The following ZNF600 variants were observed in gnomAD, a reference collection of about 807,000 sequenced individuals.
ZNF600 encodes zinc finger protein KR-ZNF1.
Under a neutral mutation model 7.3 loss-of-function variants are expected in ZNF600, and 4 were observed. The observed-to-expected ratio is 0.55, with a 90% CI of 0.27 to 1.25. The LOEUF is 1.25. Among genes scored for constraint, ZNF600 ranks in the 50% most tolerant of loss-of-function variants. The probability of loss-of-function intolerance (pLI) is 0.12; values close to 1 mark genes in which losing one functional copy is unlikely to be tolerated. For missense variants in ZNF600, 911 were observed against 922.1 expected (o/e 0.99, Z 0.16); for synonymous variants, 290 against 308.9 (o/e 0.94, Z 0.64).
At chr19:52,792,856 C>T in the ZNF600 span, among the ~76,000 whole-genome samples, 1 of 151,946 alleles carries the variant, frequency 6.6e-6, no homozygotes, top group African/African-American at 2.4e-5. Context: ...CCTCAGCCTC[C>T]CGAGTAGCTG....
upstream of ZNF600, among the ~76,000 whole-genome samples, chr19:52,788,378 G>T (rs2062782331): frequency 6.6e-6 from 1 of 151,940 alleles, no homozygotes; most frequent in Non-Finnish European, 1.5e-5. Context: ...TGCTCCTCTT[G>T]GTGTCTTCCT....
At chr19:52,808,089 CT>C in the ZNF600 span, 1 of 1,613,482 alleles carries the variant, frequency 6.2e-7, no homozygotes. Context: ...ATTTCCACTC[CT>C]CCTGAGAGAA....
chr19:52,800,565 G>T, the ZNF600 span: 1 of 1,612,836 alleles, frequency 6.2e-7, no homozygotes, highest in Admixed American at 1.7e-5. Flanking sequence ...ACTATGTTTT[G>T]CCAGGTATGA....
the ZNF600 span, chr19:52,810,159 G>A: frequency 1.1e-5 from 10 of 944,342 alleles, no homozygotes; most frequent in African/African-American, 6.4e-5. Context: ...GGAAGCTATC[G>A]AAGCTGGAGT....
chr19:52,798,848 T>G, the ZNF600 span: 1 of 1,184,472 alleles, frequency 8.4e-7, no homozygotes, highest in Non-Finnish European at 1.2e-6. Flanking sequence ...ATCATTATAT[T>G]AGTCAAGTTT....
At chr19:52,832,334 GC>G in the ZNF600 span, among the ~76,000 whole-genome samples, 1 of 152,114 alleles carries the variant, frequency 6.6e-6, no homozygotes, top group Non-Finnish European at 1.5e-5. Flanking sequence ...GGTGGCTCAG[GC>G]TTGTAATCCC....
At chr19:52,784,217 T>A (rs769052529) in intron 1 of ZNF600, among the ~76,000 whole-genome samples, 8 of 150,894 alleles carry the variant, frequency 5.3e-5, no homozygotes, top group Non-Finnish European at 8.8e-5. Context: ...ACTGAAACCC[T>A]GTTTCTACAA....
chr19:52,794,903 T>A, the ZNF600 span, among the ~76,000 whole-genome samples: 8 of 152,124 alleles, frequency 5.3e-5, no homozygotes, highest in Non-Finnish European at 1.0e-4. Context: ...CCTGAGCAAA[T>A]GAAATGTCTC....
the ZNF600 span, among the ~76,000 whole-genome samples, chr19:52,813,249 G>A: frequency 4.8e-4 from 30 of 62,964 alleles, no homozygotes; most frequent in South Asian, 1.9e-3. Context: ...CTTGAATGGT[G>A]AAAAAAAAAA....
the ZNF600 span, among the ~76,000 whole-genome samples, chr19:52,825,086 TG>T: frequency 6.6e-6 from 1 of 152,094 alleles, no homozygotes; most frequent in South Asian, 2.1e-4. Context: ...CTTTTACACC[TG>T]GGGGTAGGGA....
exon 4 of ZNF600, chr19:52,766,874 T>C (rs778956845): frequency 1.2e-6 from 2 of 1,614,182 alleles, no homozygotes; most frequent in Middle Eastern, 1.6e-4. Flanking sequence ...CAGTATGAAT[T>C]CTACGATGAC....
At chr19:52,821,508 G>A in the ZNF600 span, 2 of 152,276 alleles carry the variant, frequency 1.3e-5, no homozygotes, top group African/African-American at 4.8e-5. Context: ...CCAGGTCTAG[G>A]GGGACCCCAC....
chr19:52,771,518 G>A (rs2062630154), intron 3 of ZNF600, among the ~76,000 whole-genome samples: 1 of 151,900 alleles, frequency 6.6e-6, no homozygotes, highest in African/African-American at 2.4e-5. Flanking sequence ...CTGTCACCCG[G>A]GCTGGAGTGC....
chr19:52,808,488 C>A, the ZNF600 span, among the ~76,000 whole-genome samples: 1 of 151,800 alleles, frequency 6.6e-6, no homozygotes, highest in Non-Finnish European at 1.5e-5. Flanking sequence ...CAGTAAGAGA[C>A]AGGCTGGGCA....
the ZNF600 span, chr19:52,799,402 T>G: frequency 1.6e-6 from 1 of 643,908 alleles, no homozygotes; most frequent in African/African-American, 1.8e-5. Flanking sequence ...AGGTTTGATT[T>G]GCAACCGAAA....
chr19:52,775,681 C>T (rs1765911801), intron 2 of ZNF600, among the ~76,000 whole-genome samples: 1 of 152,142 alleles, frequency 6.6e-6, no homozygotes, highest in African/African-American at 2.4e-5. Flanking sequence ...AGGACAAAAT[C>T]CAACGGCTTT....
At chr19:52,814,291 T>C in the ZNF600 span, 3 of 146,276 alleles carry the variant, frequency 2.1e-5, 1 homozygote, top group Non-Finnish European at 4.4e-5. Flanking sequence ...ACCATATATA[T>C]TTAATAACAA....
chr19:52,781,823 G>A (rs952238814), intron 1 of ZNF600, among the ~76,000 whole-genome samples: 1 of 151,666 alleles, frequency 6.6e-6, no homozygotes, highest in African/African-American at 2.4e-5. Context: ...AACACTTTGG[G>A]AGGCCGAAGT....
upstream of ZNF600, among the ~76,000 whole-genome samples, chr19:52,787,469 C>G (rs2062774680): frequency 7.0e-6 from 1 of 142,762 alleles, no homozygotes; most frequent in Non-Finnish European, 1.5e-5. Flanking sequence ...TGCAGTGGCA[C>G]GATTTTGGCT....
Sources: gnomAD v4.1 joint callset for allele counts (sites outside exome capture counted in the v4.1 genomes callset) on GRCh38, gnomAD v4.1.1 for gene constraint, MANE v1.5 for transcripts, NCBI Gene and HGNC (gene_info 2026-07-23, HGNC 2026-07-21) for gene names.